Variants in GUCA1C observed in about 807,000 individuals in gnomAD.
GUCA1C encodes the protein guanylate cyclase activator 1C.
In GUCA1C, 15 loss-of-function variants were observed where a neutral mutation model predicts 16.2. The ratio of observed to expected loss-of-function variants is 0.93; its 90% CI spans 0.62 to 1.43. The LOEUF (loss-of-function observed/expected upper bound fraction) is 1.43. Ranked by LOEUF, GUCA1C falls within the 40% of genes most tolerant of loss-of-function variation. The pLI is 0.00. For synonymous variants in GUCA1C, 78 were observed against 85.4 expected (o/e 0.91, Z 0.48); for missense variants, 275 against 244.8 (o/e 1.12, Z -0.82).
Position 108,952,620 on chromosome 3 carries a change from T to A in GUCA1C, c.204+939A>T, listed in dbSNP as rs140864946. 8.5e-5 allele frequency among the ~76,000 whole-genome samples: 13 copies of A among 152,198 alleles called. No individual in the cohort carries two copies. In the East Asian group the frequency reaches 2.5e-3, roughly 29 times the overall value. ...AAAGTATTTTGCTAAATTCTACACA[T>A]CCTATCAAACAACCAGTTTTTTTTT... On this transcript the variant is annotated intron_variant, in intron 1 of 3. Transcript: ENST00000261047.
chr3:108,917,498 C>G (rs963426448), intron 2 of GUCA1C, among the ~76,000 whole-genome samples: 5 of 152,032 alleles, frequency 3.3e-5, no homozygotes, highest in Middle Eastern at 6.8e-3. Flanking sequence ...TCTTCTTCTT[C>G]TTTCCTTCCT....
chr3:108,952,648 A>G (rs1946906438), intron 1 of GUCA1C, among the ~76,000 whole-genome samples: 1 of 151,604 alleles, frequency 6.6e-6, no homozygotes, highest in African/African-American at 2.4e-5. Flanking sequence ...TTTTTTTTTA[A>G]TTTTACTCAA....
chr3:108,939,322 GGC>G, intron 1 of GUCA1C, among the ~76,000 whole-genome samples: 2 of 40,454 alleles, frequency 4.9e-5, no homozygotes, highest in Non-Finnish European at 1.3e-4. Flanking sequence ...CTTGCTTCAA[GGC>G]TTTTTTTTTT....
chr3:108,934,980 A>AT (rs1946709908), intron 1 of GUCA1C, among the ~76,000 whole-genome samples: 1 of 151,402 alleles, frequency 6.6e-6, no homozygotes, highest in South Asian at 2.1e-4. Flanking sequence ...CGCCCGGCTA[A>AT]TTTTTTGTAT....
At chr3:108,921,880 T>C (rs781358710) in intron 1 of GUCA1C, among the ~76,000 whole-genome samples, 1 of 152,114 alleles carries the variant, frequency 6.6e-6, no homozygotes, top group Non-Finnish European at 1.5e-5. Context: ...GGTGCACCCA[T>C]CACCTGAGCA....
chr3:108,910,638 CA>C (rs1559838528), intron 3 of GUCA1C, among the ~76,000 whole-genome samples: 1 of 151,848 alleles, frequency 6.6e-6, no homozygotes, highest in African/African-American at 2.4e-5. Flanking sequence ...AGACACATTT[CA>C]ATTTTTTTTT....
intron 1 of GUCA1C, among the ~76,000 whole-genome samples, chr3:108,943,277 C>G (rs1175203046): frequency 7.2e-5 from 11 of 152,046 alleles, no homozygotes; most frequent in Non-Finnish European, 2.9e-5. Context: ...GGTTGGATGA[C>G]AGATAATAGA....
intron 3 of GUCA1C, among the ~76,000 whole-genome samples, chr3:108,911,800 A>G (rs1284876511): frequency 6.6e-6 from 1 of 152,132 alleles, no homozygotes; most frequent in African/African-American, 2.4e-5. Context: ...TACCCAAAAT[A>G]TCTGCTCAAT....
intron 2 of GUCA1C, among the ~76,000 whole-genome samples, chr3:108,918,170 G>A (rs1946536543): frequency 6.6e-6 from 1 of 152,210 alleles, no homozygotes; most frequent in African/African-American, 2.4e-5. Flanking sequence ...CTGAGCAATA[G>A]ATGGCAACAG....
At chr3:108,953,144 A>G (rs1946913633) in intron 1 of GUCA1C, among the ~76,000 whole-genome samples, 1 of 152,194 alleles carries the variant, frequency 6.6e-6, no homozygotes, top group Admixed American at 6.6e-5. Context: ...ATATCTGCCA[A>G]TCTAGATGCA....
chr3:108,935,456 C>T (rs553577525), intron 1 of GUCA1C, among the ~76,000 whole-genome samples: 4 of 151,586 alleles, frequency 2.6e-5, no homozygotes, highest in African/African-American at 9.7e-5. Context: ...TTTGGGAGGC[C>T]GAGGAAGGCA....
At chr3:108,912,693 A>G (rs1946468538) in intron 3 of GUCA1C, among the ~76,000 whole-genome samples, 1 of 138,662 alleles carries the variant, frequency 7.2e-6, no homozygotes, top group African/African-American at 2.8e-5. Flanking sequence ...TAACATATAT[A>G]CATGTATTTG....
chr3:108,927,426 TTAATTC>T (rs1946632613), intron 1 of GUCA1C, among the ~76,000 whole-genome samples: 1 of 144,950 alleles, frequency 6.9e-6, no homozygotes, highest in African/African-American at 2.6e-5. Flanking sequence ...TTCATTTTTT[TTAATTC>T]TTTTTTTTTT....
intron 1 of GUCA1C, among the ~76,000 whole-genome samples, chr3:108,945,108 C>A (rs971347909): frequency 6.6e-6 from 1 of 152,224 alleles, no homozygotes; most frequent in Non-Finnish European, 1.5e-5. Context: ...ATTCCCAGAA[C>A]AGCAAGTACT....
rs772490061 is a variant in GUCA1C, at chr3:108,907,995, T to C, written c.*27A>G. Reference sequence around the variant, plus strand: ...TTCTCTACTGAAATGTTGTGCTCATTGATAGCTGGGACAGGTATTCTCACA... The same window carrying C: ...TTCTCTACTGAAATGTTGTGCTCATCGATAGCTGGGACAGGTATTCTCACA... On this transcript the variant is annotated 3_prime_UTR_variant, in exon 4 of 4. Transcript: ENST00000261047. 1 of 1,549,736 alleles carries C rather than the reference T, an allele frequency of 6.5e-7. No homozygotes were observed. Among genetic ancestry groups the C allele is most frequent in the Non-Finnish European group, 8.9e-7 (1 of 1,128,948 alleles).
At chr3:108,942,443 A>T (rs1946796500) in intron 1 of GUCA1C, among the ~76,000 whole-genome samples, 1 of 152,262 alleles carries the variant, frequency 6.6e-6, no homozygotes, top group African/African-American at 2.4e-5. Context: ...TTCATTGGTT[A>T]TATAATCTCG....
chr3:108,920,954 A>G (rs1280653124), intron 1 of GUCA1C, among the ~76,000 whole-genome samples: 3 of 152,132 alleles, frequency 2.0e-5, no homozygotes, highest in Non-Finnish European at 4.4e-5. Flanking sequence ...ATCATCACCC[A>G]AAGTCCATAG....
intron 2 of GUCA1C, among the ~76,000 whole-genome samples, chr3:108,918,040 G>A (rs539634504): frequency 2.6e-5 from 4 of 152,040 alleles, no homozygotes; most frequent in East Asian, 3.9e-4. Context: ...GCGAGACTCC[G>A]TCTCAAAAAA....
intron 1 of GUCA1C, among the ~76,000 whole-genome samples, chr3:108,929,320 G>A (rs1284135891): frequency 6.6e-6 from 1 of 152,002 alleles, no homozygotes; most frequent in African/African-American, 2.4e-5. Flanking sequence ...AGTTCTAGGA[G>A]GTTTGTCTTT....
Sources: gnomAD v4.1 joint callset for allele counts (sites outside exome capture counted in the v4.1 genomes callset) on GRCh38, gnomAD v4.1.1 for gene constraint, MANE v1.5 for transcripts, NCBI Gene and HGNC (gene_info 2026-07-23, HGNC 2026-07-21) for gene names.